The following DOCK9 variants were observed in gnomAD, a reference collection of about 807,000 sequenced individuals.
DOCK9 encodes dedicator of cytokinesis 9, also known as dedicator of cytokinesis protein 9.
DOCK9 carries 89 observed loss-of-function variants against 263.3 expected under a neutral mutation model. The ratio of observed to expected loss-of-function variants is 0.34; its 90% CI spans 0.28 to 0.40. DOCK9 has a LOEUF of 0.40. Among genes scored for constraint, DOCK9 ranks in the 10% least tolerant of loss-of-function variants. The pLI is 1.00. For synonymous variants in DOCK9, 976 were observed against 973.1 expected (o/e 1.00, Z -0.06); for missense variants, 2,140 against 2,603.4 (o/e 0.82, Z 3.87).
chr13:99,018,164 A>C (rs943184882), intron 1 of DOCK9, among the ~76,000 whole-genome samples: 18 of 152,236 alleles, frequency 1.2e-4, no homozygotes, highest in Non-Finnish European at 2.2e-4. Context: ...GTGTCCCCCA[A>C]AGTTCATGAG....
chr13:98,845,364 T>C (rs747911394), intron 38 of DOCK9: 9 of 1,358,224 alleles, frequency 6.6e-6, no homozygotes, highest in African/African-American at 1.5e-5. Context: ...ACTTGATATC[T>C]TTCTCACACT....
At chr13:98,976,531 A>G (rs2060295208) in intron 1 of DOCK9, among the ~76,000 whole-genome samples, 1 of 152,262 alleles carries the variant, frequency 6.6e-6, no homozygotes, top group Non-Finnish European at 1.5e-5. Context: ...ACTTCCTCCA[A>G]GAAATCCTAA....
intron 47 of DOCK9, chr13:98,808,582 A>G (rs141768330): frequency 6.3e-4 from 728 of 1,157,664 alleles, no homozygotes; most frequent in Non-Finnish European, 7.9e-4. Context: ...TCAAACTAGG[A>G]GTTTAGACGC....
chr13:99,022,842 G>C (rs561444397), intron 1 of DOCK9, among the ~76,000 whole-genome samples: 5 of 152,284 alleles, frequency 3.3e-5, no homozygotes, highest in Admixed American at 2.6e-4. Flanking sequence ...TGGCTACTTA[G>C]GAGGCTGAGG....
chr13:98,885,727 C>T lies in DOCK9; in HGVS notation c.2241G>A (p.Arg747=). Residue 747 remains arginine, a synonymous_variant, in exon 20 of 53, where the codon AGG becomes AGA. Transcript: ENST00000682017. ...CCCAACCTTGGGTTTCAACGACATC[C>T]CTCTTCTTCGTGCTTCCTTTACTTG... ...DNSSKGSTKK[R]DVVETQVGYS... 6.2e-7 allele frequency: 1 copy of T among 1,611,154 alleles called. No homozygotes were observed. The highest frequency in any genetic ancestry group is 1.1e-5 in the South Asian group (1 of 90,358).
intron 1 of DOCK9, among the ~76,000 whole-genome samples, chr13:99,018,745 T>A (rs936273899): frequency 3.9e-5 from 6 of 152,214 alleles, no homozygotes; most frequent in African/African-American, 1.4e-4. Flanking sequence ...ACCATGAATT[T>A]CATCAGAGGA....
intron 1 of DOCK9, among the ~76,000 whole-genome samples, chr13:98,987,077 G>GCCA (rs1260833645): frequency 9.4e-5 from 14 of 149,352 alleles, no homozygotes; most frequent in African/African-American, 2.7e-4. Context: ...CACCACCACC[G>GCCA]CCACCACCAC....
chr13:98,820,602 A>G, intron 45 of DOCK9: 1 of 336,406 alleles, frequency 3.0e-6, no homozygotes. Flanking sequence ...TCCCAGGTAC[A>G]TTACTCGTAT....
At chr13:99,052,874 GTTTTGGATATTAATCCCTTAT>G (rs2040765397) in intron 1 of DOCK9, among the ~76,000 whole-genome samples, 1 of 150,770 alleles carries the variant, frequency 6.6e-6, no homozygotes, top group Admixed American at 6.6e-5. Context: ...TTTTTTATAT[GTTTTGGATATTAATCCCTTAT>G]CAGATGTACA....
chr13:98,889,765 C>T (rs1324164815), intron 15 of DOCK9, among the ~76,000 whole-genome samples: 3 of 152,208 alleles, frequency 2.0e-5, no homozygotes, highest in Admixed American at 6.5e-5. Context: ...TTTGCACCTG[C>T]CCCAATGTCA....
intron 1 of DOCK9, among the ~76,000 whole-genome samples, chr13:99,006,424 G>A (rs1883346313): frequency 6.6e-6 from 1 of 152,108 alleles, no homozygotes; most frequent in African/African-American, 2.4e-5. Flanking sequence ...CTGTAATCTC[G>A]ATTTATAACA....
At chr13:99,027,984 G>A (rs1886947787) in intron 1 of DOCK9, among the ~76,000 whole-genome samples, 1 of 152,202 alleles carries the variant, frequency 6.6e-6, no homozygotes, top group African/African-American at 2.4e-5. Flanking sequence ...ACACAACACA[G>A]CACATGCTTT....
chr13:98,880,260 G>A (rs2044530768), intron 26 of DOCK9, among the ~76,000 whole-genome samples: 1 of 151,942 alleles, frequency 6.6e-6, no homozygotes, highest in South Asian at 2.1e-4. Flanking sequence ...CCCCTTCACT[G>A]CCCTCTGCTT....
intron 1 of DOCK9, among the ~76,000 whole-genome samples, chr13:98,956,037 G>T (rs1249698631): frequency 2.0e-5 from 3 of 152,182 alleles, no homozygotes; most frequent in African/African-American, 7.2e-5. Flanking sequence ...AAATATCCCT[G>T]CCTATCCCCA....
chr13:98,953,529 A>G (rs2057684005), intron 2 of DOCK9, among the ~76,000 whole-genome samples: 2 of 152,342 alleles, frequency 1.3e-5, no homozygotes, highest in South Asian at 4.1e-4. Context: ...AGTCATACAA[A>G]TAGAATTTTT....
At chr13:98,827,883 A>C (rs2092608319) in intron 43 of DOCK9, among the ~76,000 whole-genome samples, 2 of 152,224 alleles carry the variant, frequency 1.3e-5, no homozygotes, top group Admixed American at 1.3e-4. Flanking sequence ...TTCACTGGGT[A>C]TACTGGGTTG....
At position 99,031,123 on chromosome 13, in the gene DOCK9, T is replaced by A. The variant is rs532370843; in HGVS notation, c.129+55100A>T. Among the ~76,000 whole-genome samples, 1,187 of 151,646 alleles carry A rather than the reference T, an allele frequency of 7.8e-3. 12 individuals are homozygous for A. Among genetic ancestry groups the A allele is most frequent in the African/African-American group, 0.027 (1,103 of 41,346 alleles). On this transcript the variant is annotated intron_variant, in intron 1 of 32. Coordinates refer to the DOCK9 transcript ENST00000427887. The stretch of plus-strand genomic sequence containing the variant: ...TACTTTCTGTAATTGATGTTTTTTT[T>A]AAAAAAAAGTATCCTTATCACTTTT...
At chr13:99,088,264 G>C (rs1250845291), upstream of DOCK9, 1 of 152,256 alleles carries the variant, frequency 6.6e-6, no homozygotes, top group African/African-American at 2.4e-5. Context: ...TGAAATGAGG[G>C]AATGGCCCAG....
Position 98,804,983 on chromosome 13 carries a change from C to A in DOCK9, c.5725+16G>T, listed in dbSNP as rs751116741. 3.8e-5 allele frequency: 61 copies of A among 1,586,276 alleles called. No homozygotes were observed. Among genetic ancestry groups the A allele is most frequent in the Non-Finnish European group, 4.3e-5 (50 of 1,166,532 alleles). Reference sequence around the variant, plus strand: ...GGTGTCCGGGCTCGTGTCCATGCGGCTTCTGGGGCCCATACCTGTCAGGAT... The same window carrying A: ...GGTGTCCGGGCTCGTGTCCATGCGGATTCTGGGGCCCATACCTGTCAGGAT... On this transcript the variant is annotated intron_variant, in intron 49 of 52. Coordinates refer to ENST00000682017, the MANE Select transcript of DOCK9 (RefSeq NM_001366683.2).
Sources: gnomAD v4.1 joint callset for allele counts (sites outside exome capture counted in the v4.1 genomes callset) on GRCh38, gnomAD v4.1.1 for gene constraint, MANE v1.5 for transcripts, NCBI Gene and HGNC (gene_info 2026-07-23, HGNC 2026-07-21) for gene names.